The following FSTL5 variants were observed in gnomAD, a reference collection of about 807,000 sequenced individuals.
FSTL5 encodes the protein follistatin like 5.
Under a neutral mutation model 89.1 loss-of-function variants are expected in FSTL5, and 62 were observed. The ratio of observed to expected loss-of-function variants is 0.70; its 90% CI spans 0.57 to 0.86. FSTL5 has a LOEUF of 0.86. FSTL5 is among the 40% of genes least tolerant of loss of function. FSTL5 has a pLI of 0.00. For synonymous variants in FSTL5, 383 were observed against 346.2 expected, an observed-to-expected ratio of 1.11 and a Z score of -1.18; for missense variants, 1,057 against 1,001.6, an observed-to-expected ratio of 1.06 and a Z score of -0.75.
At chr4:162,159,952 A>T (rs1733630407) in intron 1 of FSTL5, among the ~76,000 whole-genome samples, 1 of 151,972 alleles carries the variant, frequency 6.6e-6, no homozygotes, top group Admixed American at 6.6e-5. Flanking sequence ...CAGTAATTAG[A>T]AGACAAAATT....
chr4:161,621,827 CAAAAA>C (rs58143952), intron 7 of FSTL5, among the ~76,000 whole-genome samples: 3 of 90,374 alleles, frequency 3.3e-5, no homozygotes. Flanking sequence ...TCTAAAAATA[CAAAAA>C]AAAAAAAAAA....
chr4:161,976,768 A>G (rs1212236304), intron 3 of FSTL5, among the ~76,000 whole-genome samples: 1 of 152,182 alleles, frequency 6.6e-6, no homozygotes, highest in Non-Finnish European at 1.5e-5. Flanking sequence ...GGCGTGAGCC[A>G]TCGCGCCTGG....
intron 15 of FSTL5, among the ~76,000 whole-genome samples, chr4:161,401,254 T>G (rs1436548174): frequency 2.6e-5 from 4 of 152,238 alleles, no homozygotes; most frequent in African/African-American, 9.6e-5. Flanking sequence ...CTTTCTCTGA[T>G]GTCTACTTCT....
At chr4:162,044,407 C>A (rs114561512) in intron 2 of FSTL5, among the ~76,000 whole-genome samples, 4 of 152,062 alleles carry the variant, frequency 2.6e-5, no homozygotes, top group Admixed American at 6.6e-5. Flanking sequence ...GTAAACCATG[C>A]GGTAAACAGG....
chr4:161,888,245 G>C (rs1475502642), intron 4 of FSTL5, among the ~76,000 whole-genome samples: 1 of 152,098 alleles, frequency 6.6e-6, no homozygotes, highest in African/African-American at 2.4e-5. Flanking sequence ...AGTAATGTGT[G>C]CCACTTCCAG....
At chr4:161,854,687 G>A (rs1731666523) in intron 4 of FSTL5, among the ~76,000 whole-genome samples, 1 of 151,884 alleles carries the variant, frequency 6.6e-6, no homozygotes, top group Admixed American at 6.6e-5. Context: ...AATACTAGCT[G>A]GCTTCATGAA....
chr4:161,750,387 G>A (rs1740354742), intron 6 of FSTL5, among the ~76,000 whole-genome samples: 1 of 152,024 alleles, frequency 6.6e-6, no homozygotes, highest in East Asian at 1.9e-4. Flanking sequence ...CAAAGACTTG[G>A]TAAGAAAAAA....
At chr4:161,460,070 C>T (rs1733505323) in intron 13 of FSTL5, among the ~76,000 whole-genome samples, 1 of 151,864 alleles carries the variant, frequency 6.6e-6, no homozygotes, top group Non-Finnish European at 1.5e-5. Context: ...CAAGCTAACA[C>T]CACTTAAAAT....
chr4:161,692,346 G>GTGTT, intron 6 of FSTL5, among the ~76,000 whole-genome samples: 1 of 151,332 alleles, frequency 6.6e-6, no homozygotes, highest in African/African-American at 2.4e-5. Flanking sequence ...GAGATCGTGT[G>GTGTT]TGTGTGTGTG....
At position 162,007,905 on chromosome 4, in the gene FSTL5, A is replaced by G. The variant is rs184424185; in HGVS notation, c.160+25720T>C. Among the ~76,000 whole-genome samples, 5 of 151,946 alleles carry G rather than the reference A, an allele frequency of 3.3e-5. No homozygotes were observed. In the East Asian group the frequency reaches 9.7e-4, roughly 29 times the overall value. On this transcript the variant is annotated intron_variant, in intron 3 of 15. Coordinates refer to ENST00000306100, the MANE Select transcript of FSTL5 (RefSeq NM_020116.5). ...CAGTGAAAACTGGTCAAACTAAACTAGTTGTCAGAAGTCATGATAGTAGCT... is the reference window on the plus strand; with the variant it reads ...CAGTGAAAACTGGTCAAACTAAACTGGTTGTCAGAAGTCATGATAGTAGCT...
At chr4:161,423,270 C>T (rs539562651) in intron 15 of FSTL5, among the ~76,000 whole-genome samples, 5 of 152,078 alleles carry the variant, frequency 3.3e-5, no homozygotes, top group South Asian at 4.2e-4. Flanking sequence ...TATTATGATC[C>T]TTCTTTAAAG....
In FSTL5 at chr4:161,814,571, G is replaced by T. The variant is rs549252965; in HGVS notation, c.410-38497C>A. 2.6e-5 allele frequency among the ~76,000 whole-genome samples: 4 copies of T among 152,168 alleles called. No homozygotes were observed. In the South Asian group the frequency reaches 8.3e-4, roughly 31 times the overall value. ...GATAAAACCTCACAATGAACTTTAGGCTGTGATGGACTCCTGTGCAATAGA... is the reference window on the plus strand; with the variant it reads ...GATAAAACCTCACAATGAACTTTAGTCTGTGATGGACTCCTGTGCAATAGA... On this transcript the variant is annotated intron_variant, in intron 4 of 15. Coordinates refer to ENST00000306100, the MANE Select transcript of FSTL5 (RefSeq NM_020116.5).
intron 3 of FSTL5, among the ~76,000 whole-genome samples, chr4:161,952,270 A>AT (rs1734917058): frequency 6.6e-6 from 1 of 151,966 alleles, no homozygotes. Context: ...CGATAGCTCT[A>AT]TTTTTTACCT....
At chr4:161,497,525 A>G (rs1730124619) in intron 12 of FSTL5, among the ~76,000 whole-genome samples, 1 of 152,060 alleles carries the variant, frequency 6.6e-6, no homozygotes, top group Non-Finnish European at 1.5e-5. Flanking sequence ...ATACTATTTG[A>G]TAGTTTTCTC....
intron 6 of FSTL5, among the ~76,000 whole-genome samples, chr4:161,696,494 G>T (rs979941343): frequency 6.6e-6 from 1 of 151,980 alleles, no homozygotes; most frequent in African/African-American, 2.4e-5. Flanking sequence ...GAAGAATAAT[G>T]GGGTATTTTG....
intron 4 of FSTL5, among the ~76,000 whole-genome samples, chr4:161,871,603 A>C (rs143424832): frequency 6.6e-6 from 1 of 152,322 alleles, no homozygotes; most frequent in African/African-American, 2.4e-5. Context: ...GTACATAGGA[A>C]TTAATGTTCT....
At chr4:161,472,187 C>A (rs1268735249) in intron 13 of FSTL5, among the ~76,000 whole-genome samples, 1 of 152,070 alleles carries the variant, frequency 6.6e-6, no homozygotes, top group Non-Finnish European at 1.5e-5. Flanking sequence ...CCGTGTTAGC[C>A]AGGATGATCT....
At chr4:161,587,428 G>C (rs1733653154) in intron 8 of FSTL5, 27 bp downstream of exon 8, 1 of 1,609,472 alleles carries the variant, frequency 6.2e-7, no homozygotes, top group Non-Finnish European at 8.5e-7. Flanking sequence ...TCTTTGAATA[G>C]TTAGGGTAAC....
At chr4:161,505,852 G>C (rs1490856990) in intron 11 of FSTL5, among the ~76,000 whole-genome samples, 1 of 152,006 alleles carries the variant, frequency 6.6e-6, no homozygotes, top group Non-Finnish European at 1.5e-5. Context: ...TTAGACTGAT[G>C]TAAGTTTTTA....
Sources: gnomAD v4.1 joint callset for allele counts (sites outside exome capture counted in the v4.1 genomes callset) on GRCh38, gnomAD v4.1.1 for gene constraint, MANE v1.5 for transcripts, NCBI Gene and HGNC (gene_info 2026-07-23, HGNC 2026-07-21) for gene names.